PKD1: variants seen among roughly 807,000 people sequenced by gnomAD.
PKD1 encodes the protein polycystin-1.
In PKD1, 81 loss-of-function variants were observed where a neutral mutation model predicts 361.7. The ratio of observed to expected loss-of-function variants is 0.22; its 90% CI spans 0.19 to 0.27. The LOEUF (loss-of-function observed/expected upper bound fraction) is 0.27. Among genes scored for constraint, PKD1 ranks in the 10% least tolerant of loss-of-function variants. The probability of loss-of-function intolerance (pLI) is 1.00; values close to 1 mark genes in which losing one functional copy is unlikely to be tolerated. For missense variants in PKD1, 6,399 were observed against 6,118.3 expected (o/e 1.05, Z -1.53); for synonymous variants, 3,615 against 2,818.3 (o/e 1.28, Z -8.95).
At chr16:2,123,257 C>T (rs2092750392) in intron 1 of PKD1, among the ~76,000 whole-genome samples, 1 of 152,096 alleles carries the variant, frequency 6.6e-6, no homozygotes, top group Non-Finnish European at 1.5e-5. Flanking sequence ...GGACCCCGCT[C>T]GGCCGAGCTC....
chr16:2,105,869 T>A lies in PKD1; in HGVS notation c.7859A>T (p.Asn2620Ile). 6.3e-7 allele frequency: 1 copy of A among 1,596,046 alleles called. No individual in the cohort carries two copies. The highest frequency in any genetic ancestry group is 1.1e-5 in the South Asian group (1 of 90,986). The change falls in exon 20 of 46, where the codon AAC (asparagine) becomes ATC (isoleucine). Residue 2620 changes from asparagine (N) to isoleucine (I), a missense_variant. Coordinates refer to ENST00000262304, the MANE Select transcript of PKD1 (RefSeq NM_001009944.3). ...EYSLALVTVL[N>I]EYERALDVAA... The stretch of plus-strand genomic sequence containing the variant: ...CCCCTCCCAGGCTGCACTCACCTCG[T>A]TCAGCACGGTGACCAGGGCCAACGA...
intron 1 of PKD1, among the ~76,000 whole-genome samples, chr16:2,134,560 AC>A (rs1486587502): frequency 6.7e-6 from 1 of 148,822 alleles, no homozygotes; most frequent in Non-Finnish European, 1.5e-5. Flanking sequence ...TTTCAATCCA[AC>A]CCTGGGTCCT....
chr16:2,091,317 AG>A (rs550308000), intron 42 of PKD1, 105 bp downstream of exon 42: 2 of 256,784 alleles, frequency 7.8e-6, no homozygotes, highest in Non-Finnish European at 9.0e-6. Flanking sequence ...GGACGCTGCG[AG>A]GGGGCGGGGC....
At chr16:2,121,524 GA>G (rs1435870912) in intron 1 of PKD1, among the ~76,000 whole-genome samples, 1 of 152,202 alleles carries the variant, frequency 6.6e-6, no homozygotes, top group African/African-American at 2.4e-5. Flanking sequence ...AGTCAGTGAA[GA>G]AAAAGCAACA....
At position 2,114,157 on chromosome 16, in the gene PKD1, C is replaced by G; in HGVS notation, c.2853+13G>C. ...TGCCTGGGGGCTGGTGGTGGAGCCT[C>G]GGCCATACTCACCACTAGGACTCCC... On this transcript the variant is annotated intron_variant, in intron 11 of 45. Coordinates refer to ENST00000262304, the MANE Select transcript of PKD1 (RefSeq NM_001009944.3). The G allele has an allele frequency of 6.2e-7, 1 of 1,601,108 alleles. No individual in the cohort carries two copies. Among genetic ancestry groups the G allele is most frequent in the Admixed American group, 1.7e-5 (1 of 59,970 alleles).
chr16:2,110,936 G>C lies in PKD1; in HGVS notation c.4231C>G (p.Arg1411Gly), dbSNP rs147131259. Residue 1411 changes from arginine (R) to glycine (G), a missense_variant, in exon 15 of 46, where the codon CGC becomes GGC. Physicochemically the swap from Arg to Gly is moderately radical, Grantham distance 125 (BLOSUM62 -2). Coordinates refer to ENST00000262304, the MANE Select transcript of PKD1 (RefSeq NM_001009944.3). ...VACAWPPFPY[R>G]YTWDFGTEEA... ...TCGGTGCCAAAGTCCCAGGTGTAGC[G>C]GTAGGGGAACGGGGGCCAGGCACAT... 5 of 1,611,080 alleles carry C rather than the reference G, an allele frequency of 3.1e-6. No homozygotes were observed.
At chr16:2,124,437 G>A (rs891370713) in intron 1 of PKD1, among the ~76,000 whole-genome samples, 11 of 152,374 alleles carry the variant, frequency 7.2e-5, no homozygotes, top group African/African-American at 1.7e-4. Flanking sequence ...TGGCAGGGCC[G>A]GGAAGTCTTG....
Position 2,103,759 on chromosome 16 carries a change from G to A in PKD1, c.8298C>T (p.Ser2766=), listed in dbSNP as rs145850037. ...TSALMRILMR[S]RVLNEEPLTL... is the part of the protein sequence containing the mutation. ...TCAGGGGCTCCTCGTTGAGCACGCGGGAGCGCATGAGGATGCGCATGAGGG... is the reference window on the plus strand; with the variant it reads ...TCAGGGGCTCCTCGTTGAGCACGCGAGAGCGCATGAGGATGCGCATGAGGG... Residue 2766 remains serine (S), a synonymous_variant, in exon 23 of 46, where the codon TCC becomes TCT. Transcript: ENST00000262304. 3,600 of 1,609,970 alleles carry A rather than the reference G, an allele frequency of 2.2e-3. 9 individuals are homozygous for A. Among genetic ancestry groups the A allele is most frequent in the Non-Finnish European group, 2.8e-3 (3,329 of 1,179,620 alleles).
intron 1 of PKD1, among the ~76,000 whole-genome samples, chr16:2,129,859 G>A (rs1481881067): frequency 2.6e-5 from 4 of 151,616 alleles, no homozygotes; most frequent in African/African-American, 7.3e-5. Flanking sequence ...ATGTTTAAAC[G>A]GGGTCCCTGT....
chr16:2,111,619 G>A lies in PKD1; in HGVS notation c.3548C>T (p.Ser1183Leu), dbSNP rs551162125. 97 of 1,574,586 alleles carry A rather than the reference G, an allele frequency of 6.2e-5. No homozygotes were observed. Among genetic ancestry groups the A allele is most frequent in the South Asian group, 1.0e-4 (9 of 86,800 alleles). ...SQPAANHTYA[S>L]RGTYHVRLEV... is the part of the protein sequence containing the mutation. ...CAGGCGCACGTGGTAGGTGCCCCTC[G>A]AGGCATAGGTGTGGTTGGCAGCCGG... Residue 1183 changes from serine to leucine, a missense_variant, in exon 15 of 46, where the codon TCG becomes TTG. Transcript: ENST00000262304.
At position 2,110,333 on chromosome 16, in the gene PKD1, T is replaced by C. The variant is rs1181800778; in HGVS notation, c.4834A>G (p.Thr1612Ala). Residue 1612 changes from threonine to alanine, a missense_variant, in exon 15 of 46, where the codon ACG becomes GCG. Coordinates refer to ENST00000262304, the MANE Select transcript of PKD1 (RefSeq NM_001009944.3). ...RSVGTFNIIV[T>A]AENEVGSAQD... ...GCGGAGCCCACCTCGTTCTCAGCCGTGACGATGATATTGAAGGTGCCCACG... is the reference window on the plus strand; with the variant it reads ...GCGGAGCCCACCTCGTTCTCAGCCGCGACGATGATATTGAAGGTGCCCACG... 2 of 1,612,454 alleles carry C rather than the reference T, an allele frequency of 1.2e-6. No individual in the cohort carries two copies. Among genetic ancestry groups the C allele is most frequent in the African/African-American group, 1.3e-5 (1 of 74,892 alleles).
intron 25 of PKD1, 54 bp from the exon 26 acceptor site, chr16:2,102,310 C>T: frequency 6.7e-7 from 1 of 1,492,774 alleles, no homozygotes; most frequent in East Asian, 2.4e-5. Flanking sequence ...TGTGCCTTCT[C>T]AGGATAGAGC....
intron 16 of PKD1, chr16:2,107,392 A>C (rs4018158): frequency 4.1e-4 from 148 of 365,078 alleles, no homozygotes; most frequent in African/African-American, 1.4e-3. Flanking sequence ...CCCCTCTGGG[A>C]AGACCCCCAA....
In PKD1 at chr16:2,109,328, C is replaced by T. The variant is rs1006776715; in HGVS notation, c.5839G>A (p.Val1947Met). 10 of 1,589,874 alleles carry T rather than the reference C, an allele frequency of 6.3e-6. No individual in the cohort carries two copies. The Admixed American group carries it at 6.7e-5, about 11-fold the overall frequency. The change falls in exon 15 of 46, where the codon GTG (valine) becomes ATG (methionine). Residue 1947 changes from valine to methionine, a missense_variant. Coordinates refer to ENST00000262304, the MANE Select transcript of PKD1 (RefSeq NM_001009944.3). ...SHSFPRVGDHVVSVRGKNHVS... is the reference protein window; with the variant it reads ...SHSFPRVGDHMVSVRGKNHVS... Reference sequence around the variant, plus strand: ...TGGTTTTTGCCCCGCACGCTCACCACGTGGTCTCCGACGCGGGGGAAGCTG... The same window carrying T: ...TGGTTTTTGCCCCGCACGCTCACCATGTGGTCTCCGACGCGGGGGAAGCTG...
At position 2,091,568 on chromosome 16, in the gene PKD1, C is replaced by A. The variant is rs1448688509; in HGVS notation, c.11567G>T (p.Arg3856Leu). The change falls in exon 42 of 46, where the codon CGC becomes CTC. Residue 3856 changes from arginine to leucine, a missense_variant. Physicochemically the swap from Arg to Leu is moderately radical, Grantham distance 102 (BLOSUM62 -2). Transcript: ENST00000262304. ...GTGCAGCCCCACGGCCGGGCTGTAG[C>A]GCGTGAGCTCCAGGAACACAGCGCG... ...RSRAVFLELT[R>L]YSPAVGLHAA... The A allele has an allele frequency of 1.3e-6, 2 of 1,546,174 alleles. No individual in the cohort carries two copies. Among genetic ancestry groups the A allele is most frequent in the East Asian group, 2.3e-5 (1 of 42,566 alleles).
intron 30 of PKD1, 189 bp downstream of exon 30, chr16:2,099,455 G>C (rs193261831): frequency 2.9e-6 from 2 of 691,734 alleles, no homozygotes; most frequent in African/African-American, 3.5e-5. Context: ...CACCATTCTG[G>C]CTTCTGAGTC....
Position 2,107,997 on chromosome 16 carries a change from G to T in PKD1, c.6951C>A (p.Pro2317=). Residue 2317 remains proline (P), a synonymous_variant, in exon 16 of 46, where the codon CCC becomes CCA. Coordinates refer to ENST00000262304, the MANE Select transcript of PKD1 (RefSeq NM_001009944.3). ...EAGGCALNFG[P]RGSSTVTIPR... is the part of the protein sequence containing the mutation. ...GAATGGTGACCGTGCTGCTCCCGCG[G>T]GGCCCAAAGTTCAGCGCACACCCGC... 3 of 1,548,598 alleles carry T rather than the reference G, an allele frequency of 1.9e-6. No homozygotes were observed. Among genetic ancestry groups the T allele is most frequent in the Non-Finnish European group, 2.6e-6 (3 of 1,147,418 alleles).
chr16:2,097,371 G>A lies in PKD1; in HGVS notation c.10353C>T (p.Asp3451=), dbSNP rs756467128. 2.0e-5 allele frequency: 32 copies of A among 1,611,652 alleles called. No homozygotes were observed. Among genetic ancestry groups the A allele is most frequent in the Admixed American group, 3.3e-5 (2 of 59,974 alleles). ...AGTAGGGGCTGGCCAGGGAGAAGCC[G>A]TCCTCCTCTGGGCCCAGCCCATGGC... ...QAGHGLGPEE[D]GFSLASPYSP... The change falls in exon 33 of 46, where the codon GAC becomes GAT. Residue 3451 remains aspartate, a synonymous_variant. Coordinates refer to ENST00000262304, the MANE Select transcript of PKD1 (RefSeq NM_001009944.3).
Position 2,110,535 on chromosome 16 carries a change from C to T in PKD1, c.4632G>A (p.Val1544=), listed in dbSNP as rs142035983. ...CGACGAGCCCCCGCACGCGCCGCTT[C>T]ACCGTCACATTGAGCCAGGCCTCGC... is the stretch of plus-strand genomic sequence containing the variant. The part of the protein sequence containing the change: ...SRSEAWLNVT[V]KRRVRGLVVN... The change falls in exon 15 of 46, where the codon GTG becomes GTA. Residue 1544 remains valine, a synonymous_variant. Coordinates refer to ENST00000262304, the MANE Select transcript of PKD1 (RefSeq NM_001009944.3). 8.7e-6 allele frequency: 14 copies of T among 1,611,602 alleles called. No individual in the cohort carries two copies. The African/African-American group carries it at 1.6e-4, about 18-fold the overall frequency.
Sources: allele counts gnomAD v4.1 joint callset (sites outside exome capture counted in the v4.1 genomes callset), GRCh38; gene constraint gnomAD v4.1.1; transcripts MANE v1.5; gene names NCBI Gene and HGNC (gene_info 2026-07-23, HGNC 2026-07-21).